TNKS1BP1: variants seen among roughly 807,000 people sequenced by gnomAD.
The protein encoded by TNKS1BP1 is 182 kDa tankyrase-1-binding protein.
Under a neutral mutation model 141.1 loss-of-function variants are expected in TNKS1BP1, and 48 were observed. The ratio of observed to expected loss-of-function variants is 0.34; its 90% confidence interval spans 0.27 to 0.43. The LOEUF is 0.43. TNKS1BP1 is among the 20% of genes least tolerant of loss of function. The pLI is 1.00. For missense variants in TNKS1BP1, 2,149 were observed against 2,226.0 expected (o/e 0.97, Z 0.70); for synonymous variants, 875 against 898.2 (o/e 0.97, Z 0.46).
Position 57,308,589 on chromosome 11 carries a change from T to G in TNKS1BP1, c.4122A>C (p.Pro1374=). The change falls in exon 6 of 12, where the codon CCA becomes CCC. Residue 1374 remains proline (P), a synonymous_variant. Transcript: ENST00000358252. The part of the protein sequence containing the change: ...EHGVGGVSQC[P]EPGLRHNGSL... ...TGCCATTGTGCCTCAGGCCGGGCTC[T>G]GGGCACTGGCTCACCCCGCCCACCC... 1 of 1,614,088 alleles carries G rather than the reference T, an allele frequency of 6.2e-7. No homozygotes were observed. The highest frequency in any genetic ancestry group is 8.5e-7 in the Non-Finnish European group (1 of 1,179,996).
At chr11:57,320,020 C>CCCCCCA in intron 3 of TNKS1BP1, 59 bp downstream of exon 3, 1 of 1,213,902 alleles carries the variant, frequency 8.2e-7, no homozygotes, top group Non-Finnish European at 1.2e-6. Context: ...AGCCCCCACC[C>CCCCCCA]AATCCCACCC....
Position 57,313,659 on chromosome 11 carries a change from C to G in TNKS1BP1, c.1029G>C (p.Leu343=), listed in dbSNP as rs570260372. The G allele has an allele frequency of 1.9e-6, 3 of 1,561,348 alleles. No homozygotes were observed. In the South Asian group the frequency reaches 3.5e-5, roughly 18 times the overall value. Residue 343 remains leucine (L), a synonymous_variant, in exon 5 of 12, where the codon CTG becomes CTC. Transcript: ENST00000358252. ...AVTPSAPSAA[L]PDEGSRHTPS... ...GGGTGTGGCGGGAGCCCTCGTCAGG[C>G]AGGGCTGCACTTGGAGCTGATGGAG...
rs1026528577 is a variant in TNKS1BP1, at chr11:57,311,223, C to G, written c.2155-667G>C. 12 of 983,962 alleles carry G rather than the reference C, an allele frequency of 1.2e-5. No homozygotes were observed. The African/African-American group carries it at 1.9e-4, about 16-fold the overall frequency. The allele number at this position is 983,962 out of a possible 1,614,324, so 61.0% of individuals were successfully genotyped here. The stretch of plus-strand genomic sequence containing the variant: ...TTCTTGCACCCCACCCCCCACCTCA[C>G]GCTCCCTGACTCACCCTTGTGGGCG... On this transcript the variant is annotated intron_variant, in intron 5 of 11. Coordinates refer to ENST00000358252, the MANE Select transcript of TNKS1BP1 (RefSeq NM_033396.3).
At chr11:57,314,094 T>C (rs902354487) in intron 4 of TNKS1BP1, among the ~76,000 whole-genome samples, 3 of 152,084 alleles carry the variant, frequency 2.0e-5, no homozygotes, top group African/African-American at 7.2e-5. Context: ...CTTTAGACCT[T>C]CTTCCCCAGA....
At position 57,300,625 on chromosome 11, in the gene TNKS1BP1, A is replaced by C; in HGVS notation, c.5130-25T>G. 2.5e-6 allele frequency: 4 copies of C among 1,614,134 alleles called. 1 individual carries two copies. In the South Asian group the frequency reaches 4.4e-5, roughly 18 times the overall value. On this transcript the variant is annotated intron_variant, in intron 10 of 11. Coordinates refer to ENST00000358252, the MANE Select transcript of TNKS1BP1 (RefSeq NM_033396.3). ...CCTAGGAGGCAGACGGCAAAGGTCC[A>C]GAATGCAAACTTTGAGGAAACTGAA...
chr11:57,320,599 C>T lies in TNKS1BP1; in HGVS notation c.208G>A (p.Gly70Ser), dbSNP rs759670440. The change falls in exon 3 of 12, where the codon GGT becomes AGT. Residue 70 changes from glycine (G) to serine (S), a missense_variant. Coordinates refer to ENST00000358252, the MANE Select transcript of TNKS1BP1 (RefSeq NM_033396.3). ...GCAGAAGGCAACTCAGCCAGGGGACCCCGGGGAGGCCGAGGCCCAACAGGC... is the reference window on the plus strand; with the variant it reads ...GCAGAAGGCAACTCAGCCAGGGGACTCCGGGGAGGCCGAGGCCCAACAGGC... ...LVPVGPRPPR[G>S]PLAELPSARK... The T allele has an allele frequency of 1.2e-6, 2 of 1,613,804 alleles. No individual in the cohort carries two copies. The highest frequency in any genetic ancestry group is 1.3e-5 in the African/African-American group (1 of 74,926).
chr11:57,320,588 A>G lies in TNKS1BP1; in HGVS notation c.219T>C (p.Ala73=), dbSNP rs987116026. The G allele has an allele frequency of 8.7e-6, 14 of 1,614,054 alleles. No individual in the cohort carries two copies. Among genetic ancestry groups the G allele is most frequent in the Non-Finnish European group, 1.1e-5 (13 of 1,179,998 alleles). ...TCATCTTCCTGGCAGAAGGCAACTC[A>G]GCCAGGGGACCCCGGGGAGGCCGAG... ...VGPRPPRGPL[A]ELPSARKMNM... Residue 73 remains alanine (A), a synonymous_variant, in exon 3 of 12, where the codon GCT becomes GCC. Coordinates refer to ENST00000358252, the MANE Select transcript of TNKS1BP1 (RefSeq NM_033396.3).
chr11:57,309,828 G>A lies in TNKS1BP1; in HGVS notation c.2883C>T (p.Tyr961=), dbSNP rs771856443. The change falls in exon 6 of 12, where the codon TAC becomes TAT. Residue 961 remains tyrosine (Y), a synonymous_variant. Coordinates refer to ENST00000358252, the MANE Select transcript of TNKS1BP1 (RefSeq NM_033396.3). This position sits in a 1 kb window ranked among gnomAD's most constrained non-coding sequence, Gnocchi z 4.3. ...EFGKSAWIRD[Y]SSGGSSRTLD... ...GGGTCCTGGAGCTGCCACCACTGCTGTAGTCCCTTATCCAAGCGCTCTTCC... is the reference window on the plus strand; with the variant it reads ...GGGTCCTGGAGCTGCCACCACTGCTATAGTCCCTTATCCAAGCGCTCTTCC... 5 of 1,614,200 alleles carry A rather than the reference G, an allele frequency of 3.1e-6. No homozygotes were observed. The highest frequency in any genetic ancestry group is 2.2e-5 in the East Asian group (1 of 44,884).
intron 6 of TNKS1BP1, 90 bp downstream of exon 6, chr11:57,308,305 A>T (rs1855643479): frequency 2.7e-6 from 4 of 1,499,732 alleles, no homozygotes; most frequent in South Asian, 1.4e-5. Flanking sequence ...CTCAGGAAAA[A>T]CTGTTTCTTC....
chr11:57,300,901 C>G lies in TNKS1BP1; in HGVS notation c.5112G>C (p.Lys1704Asn), dbSNP rs1322528313. Reference protein sequence around the residue: ...GLGKPLTLPPKPEKSSGSEGS... With the variant: ...GLGKPLTLPPNPEKSSGSEGS... ...TCACCTACCCTGAGGATTTCTCTGG[C>G]TTGGGAGGTAACGTGAGGGGCTTTC... Residue 1704 changes from lysine (K) to asparagine (N), a missense_variant, in exon 10 of 12, where the codon AAG becomes AAC. Physicochemically the swap from Lys to Asn is moderately conservative, Grantham distance 94. Transcript: ENST00000358252. 2.5e-6 allele frequency: 4 copies of G among 1,613,938 alleles called. No individual in the cohort carries two copies. The Admixed American group carries it at 6.7e-5, about 27-fold the overall frequency.
chr11:57,309,998 G>T lies in TNKS1BP1; in HGVS notation c.2713C>A (p.Gln905Lys). ...TCCCTCTTCCCCAAATCTTGGCCCTGCTCGTTGGCATCTTGGCTGGCATAA... is the reference window on the plus strand; with the variant it reads ...TCCCTCTTCCCCAAATCTTGGCCCTTCTCGTTGGCATCTTGGCTGGCATAA... Reference protein sequence around the residue: ...GAYASQDANEQGQDLGKRDHH... With the variant: ...GAYASQDANEKGQDLGKRDHH... The change falls in exon 6 of 12, where the codon CAG becomes AAG. Residue 905 changes from glutamine to lysine, a missense_variant. Transcript: ENST00000358252. The surrounding 1 kb of genome is among the most constrained non-coding windows in gnomAD (Gnocchi z 4.3). The T allele has an allele frequency of 6.2e-7, 1 of 1,614,048 alleles. No homozygotes were observed. The highest frequency in any genetic ancestry group is 8.5e-7 in the Non-Finnish European group (1 of 1,179,928).
intron 4 of TNKS1BP1, among the ~76,000 whole-genome samples, chr11:57,316,061 T>C (rs11228995): frequency 0.095 from 14,393 of 152,230 alleles, 709 homozygotes; most frequent in Middle Eastern, 0.12. Context: ...CAGTTCTTCT[T>C]GTCCCCTTCT....
chr11:57,311,443 G>A (rs1167413626), intron 5 of TNKS1BP1: 3 of 985,694 alleles, frequency 3.0e-6, no homozygotes, highest in Non-Finnish European at 3.6e-6. Flanking sequence ...TGCTACCCGC[G>A]CTGGGACCTG....
chr11:57,313,163 C>A lies in TNKS1BP1; in HGVS notation c.1525G>T (p.Ala509Ser). ...PITEASEAAE[A>S]AEAGNLAVSS... ...ACGGCCAAGTTGCCAGCCTCAGCAGCCTCGGCGGCCTCACTGGCTTCAGTG... is the reference window on the plus strand; with the variant it reads ...ACGGCCAAGTTGCCAGCCTCAGCAGACTCGGCGGCCTCACTGGCTTCAGTG... Residue 509 changes from alanine (A) to serine (S), a missense_variant, in exon 5 of 12, where the codon GCT becomes TCT. Ala to Ser is a moderately conservative substitution (Grantham distance 99). Coordinates refer to ENST00000358252, the MANE Select transcript of TNKS1BP1 (RefSeq NM_033396.3). 2 of 1,612,960 alleles carry A rather than the reference C, an allele frequency of 1.2e-6. No homozygotes were observed. Among genetic ancestry groups the A allele is most frequent in the South Asian group, 1.1e-5 (1 of 91,090 alleles).
At chr11:57,301,094 T>A in intron 9 of TNKS1BP1, 53 bp from the exon 10 acceptor site, 1 of 1,514,888 alleles carries the variant, frequency 6.6e-7, no homozygotes, top group Non-Finnish European at 8.9e-7. Context: ...GCAGTAGGAC[T>A]CTCAGGGGGT....
At chr11:57,314,103 G>A (rs1310245706) in intron 4 of TNKS1BP1, among the ~76,000 whole-genome samples, 2 of 152,180 alleles carry the variant, frequency 1.3e-5, no homozygotes, top group South Asian at 4.1e-4. Flanking sequence ...TTCTTCCCCA[G>A]AATGCGCCTA....
chr11:57,302,409 C>G lies in TNKS1BP1; in HGVS notation c.4683+50G>C. The G allele has an allele frequency of 6.5e-7, 1 of 1,549,400 alleles. No individual in the cohort carries two copies. ...AGGGAAGCTCCAGGAATGGGGCTCT[C>G]GCTGCATCGCCCTCACCCACCCACT... On this transcript the variant is annotated intron_variant, in intron 7 of 11. Coordinates refer to ENST00000358252, the MANE Select transcript of TNKS1BP1 (RefSeq NM_033396.3). The surrounding 1 kb of genome is among the most constrained non-coding windows in gnomAD (Gnocchi z 5.5).
At chr11:57,314,820 G>A (rs535380804) in intron 4 of TNKS1BP1, among the ~76,000 whole-genome samples, 12 of 152,214 alleles carry the variant, frequency 7.9e-5, no homozygotes, top group African/African-American at 2.6e-4. Context: ...CCTCTCCCAT[G>A]TCGTTAATTC....
intron 1 of TNKS1BP1, among the ~76,000 whole-genome samples, chr11:57,324,139 C>A (rs192126607): frequency 1.3e-5 from 2 of 152,376 alleles, no homozygotes; most frequent in Non-Finnish European, 1.5e-5. Flanking sequence ...CAGCTCCAGC[C>A]CCGGAGGGGA....
Sources: allele counts gnomAD v4.1 joint callset (sites outside exome capture counted in the v4.1 genomes callset), GRCh38; gene constraint gnomAD v4.1.1; non-coding constraint Gnocchi (gnomAD v3.1); transcripts MANE v1.5; gene names NCBI Gene and HGNC (gene_info 2026-07-23, HGNC 2026-07-21).